The following ADAM10 variants were observed in gnomAD, a reference collection of about 807,000 sequenced individuals.
ADAM10 encodes the protein ADAM metallopeptidase domain 10.
Under a neutral mutation model 90.1 loss-of-function variants are expected in ADAM10, and 17 were observed. That is an observed-to-expected ratio of 0.19 (90% CI 0.13 to 0.28). The LOEUF (loss-of-function observed/expected upper bound fraction) is 0.28. ADAM10 is among the 10% of genes least tolerant of loss of function. The probability of loss-of-function intolerance (pLI) is 1.00; values close to 1 mark genes in which losing one functional copy is unlikely to be tolerated. For synonymous variants in ADAM10, 310 were observed against 298.6 expected, an observed-to-expected ratio of 1.04 and a Z score of -0.40; for missense variants, 610 against 914.3, an observed-to-expected ratio of 0.67 and a Z score of 4.29.
chr15:58,635,901 T>C (rs1223107669), intron 8 of ADAM10, among the ~76,000 whole-genome samples: 5 of 152,310 alleles, frequency 3.3e-5, no homozygotes, highest in East Asian at 1.9e-4. Context: ...AATTAGAATA[T>C]ACTATTCTGA....
At chr15:58,674,653 A>G (rs1897272128) in intron 4 of ADAM10, among the ~76,000 whole-genome samples, 2 of 152,198 alleles carry the variant, frequency 1.3e-5, no homozygotes, top group African/African-American at 4.8e-5. Flanking sequence ...CAAAAACACA[A>G]TATGGAACTA....
chr15:58,743,878 G>A (rs574699058), intron 1 of ADAM10, among the ~76,000 whole-genome samples: 3 of 152,320 alleles, frequency 2.0e-5, no homozygotes, highest in Admixed American at 2.0e-4. Flanking sequence ...AAAGTGCCGG[G>A]ATTACAGGCG....
At chr15:58,715,928 T>A (rs1338190275) in intron 2 of ADAM10, among the ~76,000 whole-genome samples, 1 of 152,198 alleles carries the variant, frequency 6.6e-6, no homozygotes, top group Non-Finnish European at 1.5e-5. Context: ...TTAATATAAT[T>A]AATAATACTA....
chr15:58,675,417 A>T (rs1897286844), intron 4 of ADAM10, among the ~76,000 whole-genome samples: 1 of 152,230 alleles, frequency 6.6e-6, no homozygotes, highest in Non-Finnish European at 1.5e-5. Flanking sequence ...TAAGGGAATT[A>T]TTGCAAGCAG....
intron 5 of ADAM10, among the ~76,000 whole-genome samples, chr15:58,647,246 G>GTGTTTT (rs1323960397): frequency 2.7e-5 from 1 of 36,828 alleles, no homozygotes; most frequent in Non-Finnish European, 6.9e-5. Context: ...TAGACACTAA[G>GTGTTTT]TATTTTTTTT....
intron 1 of ADAM10, among the ~76,000 whole-genome samples, chr15:58,740,659 CTT>C (rs1204157621): frequency 2.6e-5 from 4 of 152,296 alleles, no homozygotes; most frequent in Admixed American, 2.6e-4. Context: ...CCGAGCTTAG[CTT>C]CCCAAAGTGC....
In ADAM10 at chr15:58,717,747, T is replaced by C; in HGVS notation, c.56-20A>G. The C allele has an allele frequency of 6.2e-7, 1 of 1,605,504 alleles. No individual in the cohort carries two copies. Among genetic ancestry groups the C allele is most frequent in the South Asian group, 1.1e-5 (1 of 90,458 alleles). The stretch of plus-strand genomic sequence containing the variant: ...ACTGACCTATAAAAAAAAAACAACA[T>C]TCTGAATTAGTATCATCTTGAAGAC... On this transcript the variant is annotated intron_variant, in intron 1 of 15. Transcript: ENST00000260408.
rs1419494796 is a variant in ADAM10, at chr15:58,595,296, C to G, written c.*2251G>C. The stretch of plus-strand genomic sequence containing the variant: ...CCAAAGTATTAAGAATAAAGATAAT[C>G]TATACTTTTGTAGGAAGAGACAACT... On this transcript the variant is annotated 3_prime_UTR_variant, in exon 16 of 16. Coordinates refer to ENST00000260408, the MANE Select transcript of ADAM10 (RefSeq NM_001110.4). 2 of 152,068 alleles carry G rather than the reference C, an allele frequency of 1.3e-5. No homozygotes were observed. The highest frequency in any genetic ancestry group is 6.6e-5 in the Admixed American group (1 of 15,262). 9.4% of individuals were successfully genotyped at this position (152,068 alleles called of 1,614,324 possible).
At position 58,595,206 on chromosome 15, in the gene ADAM10, G is replaced by A. The variant is rs1194760346; in HGVS notation, c.*2341C>T. On this transcript the variant is annotated 3_prime_UTR_variant, in exon 16 of 16. Transcript: ENST00000260408. ...CAATGTAATGCAGTTGAGATTAGTT[G>A]GGTGTTTTAAAAAGGTTTATTGTGT... is the stretch of plus-strand genomic sequence containing the variant. The A allele has an allele frequency of 2.0e-5, 3 of 151,936 alleles. No homozygotes were observed. Among genetic ancestry groups the A allele is most frequent in the African/African-American group, 7.3e-5 (3 of 41,378 alleles). The allele number at this position is 151,936 out of a possible 1,614,324, so 9.4% of individuals were successfully genotyped here. A position where few individuals can be genotyped will look rare whatever the true frequency, so the allele number is the denominator to read the frequency against.
In ADAM10 at chr15:58,749,524, A is replaced by G; in HGVS notation, c.11T>C (p.Leu4Pro). The change falls in exon 1 of 16, where the codon CTG (leucine) becomes CCG (proline). Residue 4 changes from leucine (L) to proline (P), a missense_variant. Around this residue, in one of 4 missense-constraint regions of ADAM10, gnomAD observed 310 missense variants for 362.4 expected, o/e 0.86. Transcript: ENST00000260408. Reference protein sequence around the residue: MVLLRVLILLLSWA... With the variant: MVLPRVLILLLSWA... Reference sequence around the variant, plus strand: ...GGAGAGGAGCAGAATTAACACTCTCAGCAACACCATCTTCCGCTGCCGCTG... The same window carrying G: ...GGAGAGGAGCAGAATTAACACTCTCGGCAACACCATCTTCCGCTGCCGCTG... The G allele has an allele frequency of 6.4e-7, 1 of 1,553,662 alleles. No individual in the cohort carries two copies. The highest frequency in any genetic ancestry group is 8.7e-7 in the Non-Finnish European group (1 of 1,148,236).
At chr15:58,711,112 T>G (rs8033691) in intron 2 of ADAM10, among the ~76,000 whole-genome samples, 29,555 of 152,100 alleles carry the variant, frequency 0.19, 3,293 homozygotes, top group South Asian at 0.32. Flanking sequence ...GTTTGGAAAT[T>G]TACTCTTAAG....
intron 2 of ADAM10, among the ~76,000 whole-genome samples, chr15:58,689,533 A>C (rs1416246940): frequency 3.9e-5 from 6 of 152,170 alleles, no homozygotes; most frequent in African/African-American, 1.4e-4. Context: ...TATTGGAGTA[A>C]CTTTTTTAAT....
intron 1 of ADAM10, among the ~76,000 whole-genome samples, chr15:58,726,877 A>AAGGGG (rs1899048482): frequency 7.0e-6 from 1 of 142,126 alleles, no homozygotes; most frequent in Non-Finnish European, 1.5e-5. Flanking sequence ...TCCATCTCCG[A>AAGGGG]AGGGGAGGGG....
chr15:58,702,077 G>C (rs1376014753), intron 2 of ADAM10, among the ~76,000 whole-genome samples: 2 of 152,106 alleles, frequency 1.3e-5, no homozygotes, highest in Non-Finnish European at 2.9e-5. Flanking sequence ...TTGCACTCCA[G>C]ACTGGGCAAC....
intron 11 of ADAM10, among the ~76,000 whole-genome samples, chr15:58,616,715 C>T (rs746549466): frequency 2.0e-5 from 3 of 151,948 alleles, no homozygotes; most frequent in Non-Finnish European, 4.4e-5. Context: ...TGCACCTCAA[C>T]GAATCAGGAA....
chr15:58,708,253 G>A (rs1317337662), intron 2 of ADAM10, among the ~76,000 whole-genome samples: 1 of 152,134 alleles, frequency 6.6e-6, no homozygotes, highest in Non-Finnish European at 1.5e-5. Context: ...CAAAATCAGA[G>A]TTTAAATCTG....
chr15:58,714,282 TACATAC>T (rs1275280754), intron 2 of ADAM10, among the ~76,000 whole-genome samples: 14 of 96,596 alleles, frequency 1.4e-4, no homozygotes, highest in African/African-American at 5.9e-4. Flanking sequence ...TTAATACTTA[TACATAC>T]ACATACACAC....
chr15:58,610,512 G>A lies in ADAM10; in HGVS notation c.1810C>T (p.Pro604Ser), dbSNP rs550719115. 2 of 1,613,872 alleles carry A rather than the reference G, an allele frequency of 1.2e-6. No individual in the cohort carries two copies. Among genetic ancestry groups the A allele is most frequent in the African/African-American group, 2.7e-5 (2 of 74,974 alleles). Residue 604 changes from proline to serine, a missense_variant, in exon 14 of 16, where the codon CCA (proline) becomes TCA (serine). By Grantham distance (74) the Pro-to-Ser change is moderately conservative (BLOSUM62 -1). Transcript: ENST00000260408. ...GACCCTGTACTGGCACAAGTTGATG[G>A]GTCCACTGGAAAAGAAATGCCAAAT... ...CHVCCMKKMD[P>S]STCASTGSVQ...
intron 5 of ADAM10, among the ~76,000 whole-genome samples, chr15:58,652,220 T>C (rs1016461405): frequency 6.6e-6 from 1 of 152,202 alleles, no homozygotes; most frequent in Non-Finnish European, 1.5e-5. Context: ...GTTAATCGTA[T>C]CCTTTGCTGA....
Sources: gnomAD v4.1 joint callset for allele counts (sites outside exome capture counted in the v4.1 genomes callset) on GRCh38, gnomAD v4.1.1 for gene constraint, gnomAD v4.1.1 regional missense constraint, MANE v1.5 for transcripts, NCBI Gene and HGNC (gene_info 2026-07-23, HGNC 2026-07-21) for gene names.